Variants in NAV1 observed in about 807,000 individuals in gnomAD.
The protein encoded by NAV1 is pore membrane and/or filament interacting like protein 3.
Under a neutral mutation model 175.2 loss-of-function variants are expected in NAV1, and 18 were observed. The ratio of observed to expected loss-of-function variants is 0.10; its 90% CI spans 0.07 to 0.15. The LOEUF (loss-of-function observed/expected upper bound fraction) is 0.15, where lower values mean the gene tolerates loss of function less well. Among genes scored for constraint, NAV1 ranks in the 10% least tolerant of loss-of-function variants. The probability of loss-of-function intolerance (pLI) is 1.00; values close to 1 mark genes in which losing one functional copy is unlikely to be tolerated. For synonymous variants in NAV1, 897 were observed against 978.7 expected (o/e 0.92, Z 1.56); for missense variants, 1,731 against 2,436.6 (o/e 0.71, Z 6.10).
chr1:201,653,743 C>T (rs1055265316), intron 1 of NAV1, among the ~76,000 whole-genome samples: 5 of 152,164 alleles, frequency 3.3e-5, no homozygotes, highest in African/African-American at 1.2e-4. Flanking sequence ...ACAAAGCTCA[C>T]TCCTGCCCTT....
At chr1:201,783,815 A>T (rs1676509909) in exon 7 of NAV1, 1 of 1,613,614 alleles carries the variant, frequency 6.2e-7, no homozygotes, top group Non-Finnish European at 8.5e-7. Flanking sequence ...GGAAGAGCTG[A>T]CTTGGAGTGG....
intron 1 of NAV1, among the ~76,000 whole-genome samples, chr1:201,695,867 G>T (rs1048930516): frequency 6.6e-6 from 1 of 152,212 alleles, no homozygotes; most frequent in Non-Finnish European, 1.5e-5. Context: ...CGGCTGCACC[G>T]CTGGTTCTGG....
chr1:201,667,803 C>T (rs928046498), intron 1 of NAV1, among the ~76,000 whole-genome samples: 2 of 152,206 alleles, frequency 1.3e-5, no homozygotes, highest in Non-Finnish European at 2.9e-5. Flanking sequence ...CATCATCGCT[C>T]AGTGAAACCT....
rs532002665 is a variant in NAV1, at chr1:201,546,627, A to G, written c.-144+7285A>G. On this transcript the variant is annotated intron_variant, in intron 1 of 33. Coordinates refer to the NAV1 transcript ENST00000685211. ...AGCCACTTAAGAGTAATTTGTTGCC[A>G]GGCCCAGTGGCTCACACCTGTAATC... 6.5e-4 allele frequency among the ~76,000 whole-genome samples: 99 copies of G among 152,248 alleles called. 1 individual carries two copies. Among genetic ancestry groups the G allele is most frequent in the African/African-American group, 2.3e-3 (96 of 41,556 alleles).
At chr1:201,775,645 C>T (rs73088447) in intron 3 of NAV1, among the ~76,000 whole-genome samples, 2,642 of 152,240 alleles carry the variant, frequency 0.017, 74 homozygotes, top group African/African-American at 0.059. Flanking sequence ...ACATTGGAAA[C>T]CTGCCCCTCC....
chr1:201,712,974 C>A, intron 2 of NAV1, 55 bp downstream of exon 6: 1 of 1,395,710 alleles, frequency 7.2e-7, no homozygotes, highest in Non-Finnish European at 1.0e-6. Flanking sequence ...CTCTCCACCC[C>A]ATTCTGGAGG....
chr1:201,775,011 T>C (rs983871693), intron 3 of NAV1, among the ~76,000 whole-genome samples: 3 of 152,160 alleles, frequency 2.0e-5, no homozygotes, highest in Non-Finnish European at 4.4e-5. Context: ...AAAAGCTTCA[T>C]AATTGGTGGC....
intron 8 of NAV1, among the ~76,000 whole-genome samples, chr1:201,785,909 C>T (rs1218015961): frequency 6.6e-6 from 1 of 151,650 alleles, no homozygotes; most frequent in Non-Finnish European, 1.5e-5. Flanking sequence ...TCTCCTGCCT[C>T]AGCCTCCCGA....
At chr1:201,600,956 G>A (rs969063438) in intron 2 of NAV1, among the ~76,000 whole-genome samples, 1 of 152,182 alleles carries the variant, frequency 6.6e-6, no homozygotes, top group Non-Finnish European at 1.5e-5. Context: ...TAAACCTGCT[G>A]TTCTCTTTTC....
intron 3 of NAV1, among the ~76,000 whole-genome samples, chr1:201,741,434 T>C (rs910521939): frequency 2.6e-5 from 4 of 152,108 alleles, no homozygotes; most frequent in Admixed American, 1.3e-4. Context: ...AATAAACCCA[T>C]GTAGGGACCT....
At chr1:201,763,535 A>C (rs144694426) in intron 3 of NAV1, among the ~76,000 whole-genome samples, 2 of 152,226 alleles carry the variant, frequency 1.3e-5, no homozygotes, top group South Asian at 2.1e-4. Context: ...TGGGGCAGAC[A>C]AAAAGGGAAA....
chr1:201,712,656 G>T (rs1467660724), intron 1 of NAV1, among the ~76,000 whole-genome samples, 161 bp from the exon 6 acceptor site: 1 of 152,174 alleles, frequency 6.6e-6, no homozygotes, highest in Non-Finnish European at 1.5e-5. Context: ...CTTTGAGAGG[G>T]CCCATTCTGT....
chr1:201,592,850 G>A (rs540980845), intron 2 of NAV1, among the ~76,000 whole-genome samples: 5 of 152,190 alleles, frequency 3.3e-5, no homozygotes, highest in East Asian at 3.9e-4. Flanking sequence ...AGCCCTACCC[G>A]TCAGACCAGG....
chr1:201,569,184 C>G (rs1666456677), intron 1 of NAV1, among the ~76,000 whole-genome samples: 1 of 152,152 alleles, frequency 6.6e-6, no homozygotes, highest in African/African-American at 2.4e-5. Flanking sequence ...AAAAGCCACC[C>G]CCCTCCAGAG....
chr1:201,633,050 A>T (rs1176530214), intron 2 of NAV1, among the ~76,000 whole-genome samples: 2 of 152,178 alleles, frequency 1.3e-5, no homozygotes, highest in Non-Finnish European at 2.9e-5. Context: ...GACTTGCATC[A>T]AAGAACATAG....
chr1:201,712,869 G>C (rs1280904944), exon 2 of NAV1: 5 of 1,614,102 alleles, frequency 3.1e-6, no homozygotes, highest in African/African-American at 1.3e-5. Context: ...ATCTCCGGCA[G>C]AACCTGGAAG....
chr1:201,734,678 G>A (rs757023320), intron 3 of NAV1, among the ~76,000 whole-genome samples: 5 of 151,998 alleles, frequency 3.3e-5, no homozygotes, highest in South Asian at 2.1e-4. Flanking sequence ...CTGGCCTCTC[G>A]AGGTGGAGGG....
At chr1:201,632,818 T>C (rs1668515497) in intron 2 of NAV1, among the ~76,000 whole-genome samples, 1 of 152,258 alleles carries the variant, frequency 6.6e-6, no homozygotes, top group African/African-American at 2.4e-5. Context: ...TTTGCTTTTC[T>C]TCCTCTTTCT....
chr1:201,675,726 G>A (rs1670222616), intron 1 of NAV1, among the ~76,000 whole-genome samples: 1 of 152,136 alleles, frequency 6.6e-6, no homozygotes, highest in African/African-American at 2.4e-5. Context: ...CTACAGTTCT[G>A]TCCAAATTCA....
Sources: allele counts gnomAD v4.1 joint callset (sites outside exome capture counted in the v4.1 genomes callset), GRCh38; gene constraint gnomAD v4.1.1; transcripts MANE v1.5; gene names NCBI Gene and HGNC (gene_info 2026-07-23, HGNC 2026-07-21).